Variants in TBC1D16 observed in about 807,000 individuals in gnomAD.
TBC1D16 encodes the protein CTD-2529O21.1.
A neutral mutation model predicts 74.7 loss-of-function variants in TBC1D16; 58 were observed. The observed-to-expected ratio is 0.78, with a 90% CI of 0.63 to 0.97. The LOEUF is 0.97. Among genes scored for constraint, TBC1D16 ranks in the 50% least tolerant of loss-of-function variants. The pLI is 0.00. For synonymous variants in TBC1D16, 493 were observed against 474.7 expected (o/e 1.04, Z -0.50); for missense variants, 1,014 against 1,079.5 (o/e 0.94, Z 0.85).
chr17:79,995,263 G>A (rs556941952), intron 3 of TBC1D16, among the ~76,000 whole-genome samples: 25 of 151,542 alleles, frequency 1.6e-4, no homozygotes, highest in Middle Eastern at 3.4e-3. Context: ...TCGCACCACG[G>A]CACTCCAGTT....
At chr17:79,998,076 G>A (rs985285318) in intron 3 of TBC1D16, among the ~76,000 whole-genome samples, 1 of 132,310 alleles carries the variant, frequency 7.6e-6, no homozygotes, top group African/African-American at 2.9e-5. Flanking sequence ...AGTGAGCTAA[G>A]ATTGTGCCAT....
intron 1 of TBC1D16, among the ~76,000 whole-genome samples, chr17:80,019,439 A>ACCCCCCCCCCTCCCCCCCCCC (rs71163907): frequency 7.4e-6 from 1 of 135,782 alleles, no homozygotes; most frequent in African/African-American, 3.1e-5. Context: ...CACCAGGACA[A>ACCCCCCCCCCTCCCCCCCCCC]CCCCCCCCCG....
intron 1 of TBC1D16, among the ~76,000 whole-genome samples, chr17:80,024,817 T>C (rs866601273): frequency 7.1e-5 from 10 of 141,210 alleles, no homozygotes; most frequent in Non-Finnish European, 1.3e-4. Flanking sequence ...ACATACACCA[T>C]AGACACACGC....
rs2031314001 is a variant in TBC1D16, at chr17:79,932,482, C to T, written c.*8377G>A. The stretch of plus-strand genomic sequence containing the variant: ...CTAGTGTCCAGACACTGGTCACAGA[C>T]CTCCACTGAGCCCAGTTAGAGCGCT... On this transcript the variant is annotated 3_prime_UTR_variant, in exon 12 of 12. Transcript: ENST00000310924. 1 of 152,304 alleles carries T rather than the reference C, an allele frequency of 6.6e-6. No homozygotes were observed. Among genetic ancestry groups the T allele is most frequent in the South Asian group, 2.1e-4 (1 of 4,836 alleles). The allele number at this position is 152,304 out of a possible 1,614,324, so 9.4% of individuals were successfully genotyped here.
At chr17:80,025,395 G>C (rs141991448) in intron 1 of TBC1D16, among the ~76,000 whole-genome samples, 9 of 150,132 alleles carry the variant, frequency 6.0e-5, no homozygotes, top group Non-Finnish European at 1.2e-4. Flanking sequence ...GTCTGTCTTG[G>C]GTCCATAAAC....
At position 80,010,086 on chromosome 17, in the gene TBC1D16, G is replaced by T. The variant is rs146225918; in HGVS notation, c.779+74C>A. 1,008 of 1,237,844 alleles carry T rather than the reference G, an allele frequency of 8.1e-4. 11 individuals carry two copies. The African/African-American group carries it at 0.014, about 17-fold the overall frequency. 76.7% of individuals were successfully genotyped at this position (1,237,844 alleles called of 1,614,324 possible). ...GCGCTCACCTGGCATCACAGGTGAC[G>T]CAGGTGAGTGCTTCCTGCCCAGGTC... On this transcript the variant is annotated intron_variant, in intron 3 of 11. Transcript: ENST00000310924. The surrounding 1 kb of genome is among the most constrained non-coding windows in gnomAD (Gnocchi z 8.8).
Position 79,981,663 on chromosome 17 carries a change from G to C in TBC1D16, c.779+28497C>G, listed in dbSNP as rs74631016. ...GGAGGCCAAACCTCCAAAGCTGGGA[G>C]GGCTACAGTCAAAGAAGCACCTCCC... On this transcript the variant is annotated intron_variant, in intron 3 of 11. Transcript: ENST00000310924. This position sits in a 1 kb window ranked among gnomAD's most constrained non-coding sequence, Gnocchi z 6.9. 3.3e-5 allele frequency among the ~76,000 whole-genome samples: 5 copies of C among 152,260 alleles called. No homozygotes were observed. The highest frequency in any genetic ancestry group is 2.6e-4 in the Admixed American group (4 of 15,290).
chr17:79,972,952 C>A (rs2034174929), intron 3 of TBC1D16, among the ~76,000 whole-genome samples: 1 of 152,090 alleles, frequency 6.6e-6, no homozygotes, highest in Non-Finnish European at 1.5e-5. Context: ...CATGGTGGTG[C>A]CTACCTGTAA....
rs2031503622 is a variant in TBC1D16, at chr17:79,935,159, A to G, written c.*5700T>C. 6.6e-6 allele frequency: 1 copy of G among 152,298 alleles called. No individual in the cohort carries two copies. The highest frequency in any genetic ancestry group is 2.4e-5 in the African/African-American group (1 of 41,474). The allele number at this position is 152,298 out of a possible 1,614,324, so 9.4% of individuals were successfully genotyped here. A position where few individuals can be genotyped will look rare whatever the true frequency, so the allele number is the denominator to read the frequency against. On this transcript the variant is annotated 3_prime_UTR_variant, in exon 12 of 12. Transcript: ENST00000310924. The stretch of plus-strand genomic sequence containing the variant: ...CCAGAGCCCCGGCAGCCAAGGCTCA[A>G]TAAAATACTGTTTGTGTTTCCAGGC...
At chr17:79,978,228 C>T (rs1266735047) in intron 3 of TBC1D16, among the ~76,000 whole-genome samples, 1 of 152,192 alleles carries the variant, frequency 6.6e-6, no homozygotes, top group Non-Finnish European at 1.5e-5. Context: ...CGCAGCTCCT[C>T]GCGGCATGGG....
rs1192778891 is a variant in TBC1D16 at position 79,980,428 on chromosome 17, G to A, written c.780-27610C>T. 2.6e-5 allele frequency among the ~76,000 whole-genome samples: 4 copies of A among 152,158 alleles called. No individual in the cohort carries two copies. The highest frequency in any genetic ancestry group is 9.7e-5 in the African/African-American group (4 of 41,418). On this transcript the variant is annotated intron_variant, in intron 3 of 11. Coordinates refer to ENST00000310924, the MANE Select transcript of TBC1D16 (RefSeq NM_019020.4). This position sits in a 1 kb window ranked among gnomAD's most constrained non-coding sequence, Gnocchi z 7.0. The stretch of plus-strand genomic sequence containing the variant: ...AGACACTAAGAAGAGGTTCCCAGGG[G>A]AACATGCAGTGGGAGTCTGGGCCGC...
At chr17:79,963,439 C>G (rs2033708200) in intron 3 of TBC1D16, among the ~76,000 whole-genome samples, 1 of 152,136 alleles carries the variant, frequency 6.6e-6, no homozygotes, top group Non-Finnish European at 1.5e-5. Flanking sequence ...CCTTTTATGG[C>G]TGAATAATAT....
chr17:79,978,537 T>C (rs2144238146), intron 3 of TBC1D16, among the ~76,000 whole-genome samples: 1 of 152,364 alleles, frequency 6.6e-6, no homozygotes, highest in East Asian at 1.9e-4. Context: ...GTGCTGTTTC[T>C]GTTTTAATTT....
chr17:79,932,710 G>T lies in TBC1D16; in HGVS notation c.*8149C>A, dbSNP rs113171869. The T allele has an allele frequency of 1.3e-5, 2 of 152,196 alleles. No individual in the cohort carries two copies. The highest frequency in any genetic ancestry group is 6.5e-5 in the Admixed American group (1 of 15,278). 9.4% of individuals were successfully genotyped at this position (152,196 alleles called of 1,614,324 possible). ...GACTTTGGGTGTGGCCTTGGTGAAG[G>T]CTTCCCACTTTGGTGACTTGCATGT... On this transcript the variant is annotated 3_prime_UTR_variant, in exon 12 of 12. Transcript: ENST00000310924.
At chr17:80,028,855 G>A (rs1187251353) in intron 1 of TBC1D16, among the ~76,000 whole-genome samples, 3 of 151,906 alleles carry the variant, frequency 2.0e-5, no homozygotes, top group Non-Finnish European at 4.4e-5. Context: ...CTCGTGATCC[G>A]CCTACCTCGA....
chr17:79,965,678 G>A (rs1039801877), intron 3 of TBC1D16, among the ~76,000 whole-genome samples: 2 of 152,144 alleles, frequency 1.3e-5, no homozygotes, highest in African/African-American at 2.4e-5. Flanking sequence ...CGTGACCTAT[G>A]GGAAGCTCAC....
Position 79,961,324 on chromosome 17 carries a change from ACAG to A in TBC1D16, c.780-8509_780-8507del, listed in dbSNP as rs2033605168. 1.3e-5 allele frequency among the ~76,000 whole-genome samples: 2 copies of A among 152,250 alleles called. No homozygotes were observed. Among genetic ancestry groups the A allele is most frequent in the Admixed American group, 6.5e-5 (1 of 15,284 alleles). ...CTCCTACTCACCTATTAGAATGGCT[ACAG>A]TGGACAAGACTGATCATAGCAAGTG... is the stretch of plus-strand genomic sequence containing the variant. On this transcript the variant is annotated intron_variant, in intron 3 of 11. Transcript: ENST00000310924. This position sits in a 1 kb window ranked among gnomAD's most constrained non-coding sequence, Gnocchi z 4.8.
rs73423907 is a variant in TBC1D16 at position 79,950,726 on chromosome 17, T to C, written c.1090-148A>G. ...TGCATACAAACCCCTAAATGGCGAG[T>C]GTAATTAGGCGCAATTAAAATGAAA... On this transcript the variant is annotated intron_variant, in intron 5 of 11. Transcript: ENST00000310924. The surrounding 1 kb of genome is among the most constrained non-coding windows in gnomAD (Gnocchi z 4.6). 2.6e-6 allele frequency: 4 copies of C among 1,537,338 alleles called. No homozygotes were observed. In the African/African-American group the frequency reaches 5.5e-5, roughly 21 times the overall value.
chr17:79,986,946 T>G lies in TBC1D16; in HGVS notation c.779+23214A>C, dbSNP rs920232260. On this transcript the variant is annotated intron_variant, in intron 3 of 11. Transcript: ENST00000310924. This position sits in a 1 kb window ranked among gnomAD's most constrained non-coding sequence, Gnocchi z 6.0. ...CTGCTGCTGTGTTTACTTGGCTCCC[T>G]TCCCGGGATGGCCTTGTAGCAAATC... 5.3e-5 allele frequency among the ~76,000 whole-genome samples: 8 copies of G among 152,378 alleles called. No homozygotes were observed. Among genetic ancestry groups the G allele is most frequent in the African/African-American group, 1.9e-4 (8 of 41,592 alleles).
Sources: gnomAD v4.1 joint callset for allele counts (sites outside exome capture counted in the v4.1 genomes callset) on GRCh38, gnomAD v4.1.1 for gene constraint, Gnocchi (gnomAD v3.1) non-coding constraint, MANE v1.5 for transcripts, NCBI Gene and HGNC (gene_info 2026-07-23, HGNC 2026-07-21) for gene names.